Variants in PKN2 observed in about 807,000 individuals in gnomAD.
PKN2 encodes the protein serine/threonine-protein kinase N2.
A neutral mutation model predicts 119.1 loss-of-function variants in PKN2; 38 were observed. The observed-to-expected ratio is 0.32, with a 90% CI of 0.25 to 0.42. PKN2 has a LOEUF of 0.42. Ranked by LOEUF, PKN2 falls within the 10% of genes least tolerant of loss-of-function variation. The pLI, the probability that PKN2 is intolerant of heterozygous loss-of-function variation, is 1.00. For synonymous variants in PKN2, 390 were observed against 384.9 expected (o/e 1.01, Z -0.15); for missense variants, 850 against 1,165.1 (o/e 0.73, Z 3.94).
chr1:88,770,554 A>G, intron 4 of PKN2, 85 bp downstream of exon 4: 1 of 727,326 alleles, frequency 1.4e-6, no homozygotes, highest in Non-Finnish European at 2.4e-6. Flanking sequence ...TTCAAAGTTA[A>G]GAGGGAGGAA....
At chr1:88,799,779 TC>T in intron 8 of PKN2, among the ~76,000 whole-genome samples, 1 of 152,186 alleles carries the variant, frequency 6.6e-6, no homozygotes, top group East Asian at 1.9e-4. Flanking sequence ...GTCCTCAGAT[TC>T]TTTTCATTCC....
chr1:88,710,177 G>C (rs1344688958), intron 1 of PKN2, among the ~76,000 whole-genome samples: 1 of 152,062 alleles, frequency 6.6e-6, no homozygotes, highest in East Asian at 1.9e-4. Context: ...GATAATATTT[G>C]AATCATGATA....
At chr1:88,769,673 C>G (rs1418442037) in intron 3 of PKN2, among the ~76,000 whole-genome samples, 1 of 151,918 alleles carries the variant, frequency 6.6e-6, no homozygotes, top group Non-Finnish European at 1.5e-5. Context: ...CATGGGTGAG[C>G]CCAGAGGACA....
At chr1:88,756,384 C>G (rs543543985) in intron 2 of PKN2, among the ~76,000 whole-genome samples, 1 of 152,240 alleles carries the variant, frequency 6.6e-6, no homozygotes, top group African/African-American at 2.4e-5. Context: ...AATTTTTGCC[C>G]TACCTACCTT....
At chr1:88,754,655 C>T (rs1468032801) in intron 2 of PKN2, among the ~76,000 whole-genome samples, 2 of 152,074 alleles carry the variant, frequency 1.3e-5, no homozygotes, top group Non-Finnish European at 1.5e-5. Flanking sequence ...AATGCCTAAC[C>T]GTGAAGTTGG....
rs749437349 is a variant in PKN2 at position 88,835,376 on chromosome 1, T to C, written c.*1928T>C. ...AGGTACAGTCTGCTCACTTTTTTGG[T>C]TCTCAAATAGCAAAGAAAGTAATGT... is the stretch of plus-strand genomic sequence containing the variant. On this transcript the variant is annotated 3_prime_UTR_variant, in exon 22 of 22. Coordinates refer to ENST00000370521, the MANE Select transcript of PKN2 (RefSeq NM_006256.4). 1.3e-5 allele frequency: 2 copies of C among 152,434 alleles called. No homozygotes were observed. Among genetic ancestry groups the C allele is most frequent in the Non-Finnish European group, 2.9e-5 (2 of 67,908 alleles). The allele number at this position is 152,434 out of a possible 1,614,324, so 9.4% of individuals were successfully genotyped here. A position where few individuals can be genotyped will look rare whatever the true frequency, so the allele number is the denominator to read the frequency against.
intron 3 of PKN2, among the ~76,000 whole-genome samples, chr1:88,766,032 C>T (rs76306951): frequency 0.073 from 11,078 of 152,190 alleles, 572 homozygotes; most frequent in East Asian, 0.13. Flanking sequence ...GGGCTGGTCT[C>T]GAACTCCTGA....
In PKN2 at chr1:88,828,568, G is replaced by A; in HGVS notation, c.2507G>A (p.Arg836Lys). The A allele has an allele frequency of 6.2e-7, 1 of 1,613,472 alleles. No individual in the cohort carries two copies. Among genetic ancestry groups the A allele is most frequent in the Non-Finnish European group, 8.5e-7 (1 of 1,179,526 alleles). ...PEVLTETSYT[R>K]AVDWWGLGVL... Reference sequence around the variant, plus strand: ...GTATTAACAGAAACTTCTTATACAAGGGCTGTAGATTGGTGGGGCCTTGGC... The same window carrying A: ...GTATTAACAGAAACTTCTTATACAAAGGCTGTAGATTGGTGGGGCCTTGGC... The change falls in exon 19 of 22, where the codon AGG becomes AAG. Residue 836 changes from arginine (R) to lysine (K), a missense_variant. Transcript: ENST00000370521.
At chr1:88,818,647 CAAA>C (rs199849657) in intron 16 of PKN2, among the ~76,000 whole-genome samples, 3 of 81,736 alleles carry the variant, frequency 3.7e-5, no homozygotes, top group Non-Finnish European at 2.9e-5. Context: ...GACTCCTTCT[CAAA>C]AAAAAAAAAA....
In PKN2 at chr1:88,715,082, T is replaced by G. The variant is rs1350338364; in HGVS notation, c.49-25906T>G. Among the ~76,000 whole-genome samples, 3 of 152,302 alleles carry G rather than the reference T, an allele frequency of 2.0e-5. No individual in the cohort carries two copies. The East Asian group carries it at 5.8e-4, about 29-fold the overall frequency. On this transcript the variant is annotated intron_variant, in intron 1 of 21. Transcript: ENST00000370521. ...TGATATGCTGGATTACATTTATTGA[T>G]TTGCATATGTTGAACAAGCCTTGCA...
intron 1 of PKN2, among the ~76,000 whole-genome samples, chr1:88,737,771 G>A (rs1283998292): frequency 6.6e-6 from 1 of 152,180 alleles, no homozygotes; most frequent in Admixed American, 6.5e-5. Context: ...TGAGCTACAA[G>A]TCAAAAGTCC....
intron 2 of PKN2, among the ~76,000 whole-genome samples, chr1:88,746,156 G>T (rs889574254): frequency 2.0e-5 from 3 of 152,070 alleles, no homozygotes. Flanking sequence ...TTAAATGTCA[G>T]TCCTGAAACT....
intron 19 of PKN2, chr1:88,829,330 ACC>A: frequency 6.2e-6 from 3 of 487,218 alleles, no homozygotes; most frequent in Non-Finnish European, 1.2e-5. Context: ...TATTCGCTAC[ACC>A]AACAGCTCCA....
At chr1:88,754,789 G>A (rs305217) in intron 2 of PKN2, among the ~76,000 whole-genome samples, 12,837 of 152,114 alleles carry the variant, frequency 0.084, 832 homozygotes, top group African/African-American at 0.17. Context: ...AACTTTATGG[G>A]CTTAACTCTA....
chr1:88,698,408 T>G (rs1666627394), intron 1 of PKN2, among the ~76,000 whole-genome samples: 1 of 152,034 alleles, frequency 6.6e-6, no homozygotes, highest in African/African-American at 2.4e-5. Context: ...AACAAGAAAA[T>G]ATTCTTTATG....
rs1205761417 is a variant in PKN2 at position 88,834,213 on chromosome 1, T to C, written c.*765T>C. The C allele has an allele frequency of 2.0e-5, 3 of 152,070 alleles. No individual in the cohort carries two copies. The highest frequency in any genetic ancestry group is 6.6e-5 in the Admixed American group (1 of 15,236). The allele number at this position is 152,070 out of a possible 1,614,324, so 9.4% of individuals were successfully genotyped here. A position where few individuals can be genotyped will look rare whatever the true frequency, so the allele number is the denominator to read the frequency against. ...ACTTTTAATCAGCCGAACCAAGATA[T>C]TGTTACCTGTATGCATTCCCAAAGT... On this transcript the variant is annotated 3_prime_UTR_variant, in exon 22 of 22. Transcript: ENST00000370521.
At chr1:88,685,881 G>A (rs1666074338) in intron 1 of PKN2, among the ~76,000 whole-genome samples, 1 of 152,092 alleles carries the variant, frequency 6.6e-6, no homozygotes, top group Non-Finnish European at 1.5e-5. Flanking sequence ...TTATAAGTTT[G>A]GTTTCTTGTG....
At chr1:88,736,138 G>A (rs1247871254) in intron 1 of PKN2, among the ~76,000 whole-genome samples, 1 of 151,764 alleles carries the variant, frequency 6.6e-6, no homozygotes, top group Non-Finnish European at 1.5e-5. Flanking sequence ...CATTCATTTT[G>A]TTCATCGTAT....
chr1:88,775,572 C>G (rs1257788558), intron 6 of PKN2, among the ~76,000 whole-genome samples: 3 of 152,076 alleles, frequency 2.0e-5, no homozygotes, highest in Non-Finnish European at 4.4e-5. Context: ...TTATAAACAT[C>G]CATGTGCGGG....
Sources: allele counts gnomAD v4.1 joint callset (sites outside exome capture counted in the v4.1 genomes callset), GRCh38; gene constraint gnomAD v4.1.1; transcripts MANE v1.5; gene names NCBI Gene and HGNC (gene_info 2026-07-23, HGNC 2026-07-21).